CLCN6: variants seen among roughly 807,000 people sequenced by gnomAD.
The protein encoded by CLCN6 is Cl-/H+ antiporter 6.
CLCN6 carries 70 observed loss-of-function variants against 109.8 expected under a neutral mutation model. That is an observed-to-expected ratio of 0.64 (90% confidence interval 0.53 to 0.78). The LOEUF (loss-of-function observed/expected upper bound fraction) is 0.78. Among genes scored for constraint, CLCN6 ranks in the 30% least tolerant of loss-of-function variants. The probability of loss-of-function intolerance (pLI) is 0.00; values close to 1 mark genes in which losing one functional copy is unlikely to be tolerated. For missense variants in CLCN6, 984 were observed against 1,142.3 expected (o/e 0.86, Z 2.00); for synonymous variants, 444 against 447.8 (o/e 0.99, Z 0.11).
At chr1:11,815,355 C>G (rs1314544931) in intron 2 of CLCN6, among the ~76,000 whole-genome samples, 1 of 152,172 alleles carries the variant, frequency 6.6e-6, no homozygotes, top group Non-Finnish European at 1.5e-5. Flanking sequence ...TCTGAGTCAT[C>G]TGGGGCTGCA....
At chr1:11,836,271 G>T (rs1323842182) in intron 18 of CLCN6, 118 bp downstream of exon 18, 11 of 898,814 alleles carry the variant, frequency 1.2e-5, no homozygotes, top group Admixed American at 8.4e-5. Flanking sequence ...GGGGAAGTTG[G>T]CACTGTTCTC....
At chr1:11,819,958 AATT>A (rs1284425008) in intron 5 of CLCN6, among the ~76,000 whole-genome samples, 2 of 152,214 alleles carry the variant, frequency 1.3e-5, no homozygotes. Flanking sequence ...AGTCTTATAA[AATT>A]AACAAGTTTG....
At chr1:11,818,492 G>A (rs1183977055) in intron 4 of CLCN6, among the ~76,000 whole-genome samples, 1 of 152,148 alleles carries the variant, frequency 6.6e-6, no homozygotes, top group East Asian at 1.9e-4. Flanking sequence ...TCAAGCTGAA[G>A]CAACTTTACC....
intron 13 of CLCN6, among the ~76,000 whole-genome samples, chr1:11,832,133 C>T (rs1644890864): frequency 6.6e-6 from 1 of 152,218 alleles, no homozygotes; most frequent in Admixed American, 6.5e-5. Flanking sequence ...CCCCATTTTA[C>T]AGCTAAGGAA....
chr1:11,826,067 C>CT (rs3216184), intron 8 of CLCN6, 89 bp from the exon 9 acceptor site: 87,581 of 784,322 alleles, frequency 0.11, 704 homozygotes, highest in African/African-American at 0.16. Flanking sequence ...GACCTGTGTT[C>CT]TTTTTTTTTT....
At position 11,806,256 on chromosome 1, in the gene CLCN6, G is replaced by A. The variant is rs1165794153; in HGVS notation, c.-7G>A. ...AGAGGGGTCCAGAGTGGCAGTAAAG[G>A]AGGAAGATGGCGGGGTGCAGGGGGT... On this transcript the variant is annotated 5_prime_UTR_variant, in exon 1 of 23. Coordinates refer to ENST00000346436, the MANE Select transcript of CLCN6 (RefSeq NM_001286.5). The A allele has an allele frequency of 2.1e-6, 3 of 1,462,206 alleles. No individual in the cohort carries two copies. The highest frequency in any genetic ancestry group is 1.5e-5 in the South Asian group (1 of 67,248). The allele number at this position is 1,462,206 out of a possible 1,614,324, so 90.6% of individuals were successfully genotyped here.
rs1032712026 is a variant in CLCN6, at chr1:11,840,349, G to A, written c.*126G>A. The A allele has an allele frequency of 3.3e-5, 28 of 841,340 alleles. No individual in the cohort carries two copies. Among genetic ancestry groups the A allele is most frequent in the East Asian group, 7.5e-5 (3 of 39,782 alleles). 52.1% of individuals were successfully genotyped at this position (841,340 alleles called of 1,614,324 possible). The stretch of plus-strand genomic sequence containing the variant: ...CAGTCACCCACTCACTCAGAAAGCC[G>A]GGAGTCATCGGACACCTTGCTGGTC... On this transcript the variant is annotated 3_prime_UTR_variant, in exon 23 of 23. Transcript: ENST00000346436.
At chr1:11,820,353 A>G (rs1392628123) in intron 5 of CLCN6, 2 of 715,112 alleles carry the variant, frequency 2.8e-6, no homozygotes, top group Admixed American at 4.0e-5. Flanking sequence ...ATTTCATACT[A>G]TAAATAAGAT....
chr1:11,829,280 G>A lies in CLCN6; in HGVS notation c.1206G>A (p.Met402Ile). The change falls in exon 13 of 23, where the codon ATG becomes ATA. Residue 402 changes from methionine (M) to isoleucine (I), a missense_variant. Physicochemically the swap from Met to Ile is conservative, Grantham distance 10. Transcript: ENST00000346436. The stretch of plus-strand genomic sequence containing the variant: ...TGGTGTTAGGAGAATGCCGACAGAT[G>A]TCCTCTTCGAGTCAAATCGGTAATG... ...ASMVLGECRQ[M>I]SSSSQIGNDS... The A allele has an allele frequency of 6.2e-7, 1 of 1,614,154 alleles. No homozygotes were observed. Among genetic ancestry groups the A allele is most frequent in the Non-Finnish European group, 8.5e-7 (1 of 1,180,020 alleles).
At chr1:11,809,516 G>A (rs552243008) in intron 2 of CLCN6, among the ~76,000 whole-genome samples, 9 of 152,234 alleles carry the variant, frequency 5.9e-5, no homozygotes, top group African/African-American at 9.6e-5. Context: ...GCAGTGGTAC[G>A]GTCTTGGATC....
rs372464759 is a variant in CLCN6 at position 11,827,076 on chromosome 1, C to T, written c.708-13C>T. The T allele has an allele frequency of 3.1e-6, 5 of 1,613,118 alleles. No individual in the cohort carries two copies. In the African/African-American group the frequency reaches 6.7e-5, roughly 22 times the overall value. On this transcript the variant is annotated splice_polypyrimidine_tract_variant and intron_variant, in intron 9 of 22. Coordinates refer to ENST00000346436, the MANE Select transcript of CLCN6 (RefSeq NM_001286.5). ...GCTCTTTATTGGATAACCCGTCTCT[C>T]TCCTCTCCTCAGAGACAAGAGAGAC...
chr1:11,840,250 TG>T lies in CLCN6; in HGVS notation c.*28del. 6.3e-7 allele frequency: 1 copy of T among 1,591,808 alleles called. No individual in the cohort carries two copies. Among genetic ancestry groups the T allele is most frequent in the Admixed American group, 1.7e-5 (1 of 60,006 alleles). ...AGCCCAGCCCACCCTCTCCTGGTGC[TG>T]CCTGGGGAGGCAAATCATGCTCACT... is the stretch of plus-strand genomic sequence containing the variant. On this transcript the variant is annotated 3_prime_UTR_variant, in exon 23 of 23. Transcript: ENST00000346436.
chr1:11,811,191 A>G (rs1022542633), intron 2 of CLCN6, among the ~76,000 whole-genome samples: 12 of 152,032 alleles, frequency 7.9e-5, no homozygotes, highest in Non-Finnish European at 8.8e-5. Context: ...AGCCTGGGTG[A>G]CAGAGCGAGA....
chr1:11,839,156 A>C lies in CLCN6; in HGVS notation c.2529+496A>C. 4 of 578,712 alleles carry C rather than the reference A, an allele frequency of 6.9e-6. No homozygotes were observed. In the South Asian group the frequency reaches 9.0e-5, roughly 13 times the overall value. The allele number at this position is 578,712 out of a possible 1,614,324, so 35.8% of individuals were successfully genotyped here. The stretch of plus-strand genomic sequence containing the variant: ...ATGATTTCATTGTAGGAAAATACAA[A>C]AACACATATGAGCAAAAAACAAGCA... On this transcript the variant is annotated intron_variant, in intron 22 of 22. Coordinates refer to ENST00000346436, the MANE Select transcript of CLCN6 (RefSeq NM_001286.5).
At chr1:11,817,162 A>T (rs1475419946) in intron 4 of CLCN6, among the ~76,000 whole-genome samples, 1 of 152,064 alleles carries the variant, frequency 6.6e-6, no homozygotes, top group African/African-American at 2.4e-5. Context: ...GCGTAATCAC[A>T]GTTCACTGCA....
chr1:11,835,155 A>C (rs112376706), intron 17 of CLCN6, among the ~76,000 whole-genome samples: 3 of 152,212 alleles, frequency 2.0e-5, no homozygotes, highest in African/African-American at 7.2e-5. Flanking sequence ...CTCTGTCACG[A>C]CTACTCGACT....
At position 11,828,140 on chromosome 1, in the gene CLCN6, A is replaced by G; in HGVS notation, c.875A>G (p.Asn292Ser). ...FCSMSATFTL[N>S]FFRSGIQFGS... ...TCCATGTCTGCCACCTTCACCCTCA[A>G]CTTCTTCCGTTCTGGGATTCAGTTT... Residue 292 changes from asparagine to serine, a missense_variant, in exon 11 of 23, where the codon AAC becomes AGC. By Grantham distance (46) the Asn-to-Ser change is conservative. Coordinates refer to ENST00000346436, the MANE Select transcript of CLCN6 (RefSeq NM_001286.5). The G allele has an allele frequency of 6.2e-7, 1 of 1,613,900 alleles. No individual in the cohort carries two copies. Among genetic ancestry groups the G allele is most frequent in the Non-Finnish European group, 8.5e-7 (1 of 1,179,962 alleles).
intron 10 of CLCN6, 27 bp from the exon 11 acceptor site, chr1:11,828,076 CCTT>C: frequency 6.5e-7 from 1 of 1,543,848 alleles, no homozygotes; most frequent in Non-Finnish European, 9.0e-7. Context: ...CACTCCTGAA[CCTT>C]CTTGTCTTTT....
chr1:11,806,751 TC>T, intron 1 of CLCN6: 1 of 353,918 alleles, frequency 2.8e-6, no homozygotes, highest in Non-Finnish European at 5.1e-6. Flanking sequence ...CAGTCCAGCT[TC>T]CCCCTGCAAA....
Sources: allele counts gnomAD v4.1 joint callset (sites outside exome capture counted in the v4.1 genomes callset), GRCh38; gene constraint gnomAD v4.1.1; transcripts MANE v1.5; gene names NCBI Gene and HGNC (gene_info 2026-07-23, HGNC 2026-07-21).